Variants in TBC1D22A observed in about 807,000 individuals in gnomAD.
TBC1D22A encodes TBC1 domain family member 22A.
Under a neutral mutation model 60.2 loss-of-function variants are expected in TBC1D22A, and 38 were observed. That is an observed-to-expected ratio of 0.63 (90% CI 0.49 to 0.83). The LOEUF (loss-of-function observed/expected upper bound fraction) is 0.83. Ranked by LOEUF, TBC1D22A falls within the 40% of genes least tolerant of loss-of-function variation. The probability of loss-of-function intolerance (pLI) is 0.00; values close to 1 mark genes in which losing one functional copy is unlikely to be tolerated. For missense variants in TBC1D22A, 628 were observed against 701.0 expected (o/e 0.90, Z 1.18); for synonymous variants, 302 against 281.7 (o/e 1.07, Z -0.72).
intron 4 of TBC1D22A, among the ~76,000 whole-genome samples, chr22:46,830,982 C>T (rs2086284669): frequency 6.6e-6 from 1 of 151,762 alleles, no homozygotes; most frequent in Non-Finnish European, 1.5e-5. Context: ...GTGAGGGAGC[C>T]TCAGGGTCCC....
intron 1 of TBC1D22A, among the ~76,000 whole-genome samples, chr22:46,785,460 C>A (rs908629773): frequency 6.6e-6 from 1 of 152,220 alleles, no homozygotes; most frequent in African/African-American, 2.4e-5. Flanking sequence ...AATTCACCCA[C>A]AATAGCCTTC....
chr22:46,941,697 T>TTATATATACGGAATATATATACGGAATA (rs1329400943), intron 8 of TBC1D22A, among the ~76,000 whole-genome samples: 1 of 65,094 alleles, frequency 1.5e-5, no homozygotes, highest in African/African-American at 8.6e-5. Flanking sequence ...TATACGCGGA[T>TTATATATACGGAATATATATACGGAATA]TATATATGCG....
intron 11 of TBC1D22A, among the ~76,000 whole-genome samples, chr22:47,110,406 G>C (rs903298861): frequency 6.6e-6 from 1 of 152,156 alleles, no homozygotes; most frequent in South Asian, 2.1e-4. Flanking sequence ...TTGAAACCAG[G>C]AGGTGGAGGT....
At chr22:47,058,416 G>A (rs1037882003) in intron 11 of TBC1D22A, among the ~76,000 whole-genome samples, 1 of 152,098 alleles carries the variant, frequency 6.6e-6, no homozygotes, top group Non-Finnish European at 1.5e-5. Context: ...CTGCGAGAAC[G>A]AGTTCAGCCC....
At chr22:47,029,946 G>T (rs759640942) in intron 10 of TBC1D22A, among the ~76,000 whole-genome samples, 2 of 152,248 alleles carry the variant, frequency 1.3e-5, no homozygotes, top group Non-Finnish European at 2.9e-5. Context: ...CATTGGCAGT[G>T]AGCGGTTCTT....
intron 8 of TBC1D22A, among the ~76,000 whole-genome samples, chr22:46,941,506 T>C (rs1180521659): frequency 6.9e-6 from 1 of 145,028 alleles, no homozygotes; most frequent in Non-Finnish European, 1.5e-5. Context: ...ACGGAATATA[T>C]ATACGGAATA....
intron 10 of TBC1D22A, among the ~76,000 whole-genome samples, chr22:47,008,414 G>A (rs2061653804): frequency 2.0e-5 from 3 of 152,144 alleles, no homozygotes; most frequent in Admixed American, 2.0e-4. Flanking sequence ...ACTCTCCCCA[G>A]GTGTAGAGTT....
At chr22:47,044,970 G>A (rs1028702793) in intron 11 of TBC1D22A, among the ~76,000 whole-genome samples, 1 of 152,174 alleles carries the variant, frequency 6.6e-6, no homozygotes, top group African/African-American at 2.4e-5. Context: ...GCGTGTGAAG[G>A]CCCTGAGGTC....
intron 11 of TBC1D22A, among the ~76,000 whole-genome samples, chr22:47,096,085 A>G (rs1230377139): frequency 6.6e-6 from 1 of 152,224 alleles, no homozygotes; most frequent in Non-Finnish European, 1.5e-5. Context: ...TAGTCTAATG[A>G]ATGCCTTTGA....
intron 8 of TBC1D22A, among the ~76,000 whole-genome samples, chr22:46,934,321 C>T (rs2071521826): frequency 6.6e-6 from 1 of 152,216 alleles, no homozygotes; most frequent in African/African-American, 2.4e-5. Flanking sequence ...GCTTTGGAGT[C>T]CTGGAAACCT....
chr22:46,972,680 G>A (rs928560453), intron 8 of TBC1D22A, among the ~76,000 whole-genome samples: 6 of 152,178 alleles, frequency 3.9e-5, no homozygotes, highest in Non-Finnish European at 7.3e-5. Context: ...GTTTCTTTCC[G>A]TGGTGATGCA....
chr22:46,787,784 G>A (rs894638266), intron 1 of TBC1D22A, among the ~76,000 whole-genome samples: 1 of 152,110 alleles, frequency 6.6e-6, no homozygotes, highest in Non-Finnish European at 1.5e-5. Context: ...GAACCAGAAT[G>A]GGGAGGGTTT....
chr22:46,968,305 G>C lies in TBC1D22A; in HGVS notation c.1016-5985G>C, dbSNP rs181161594. Among the ~76,000 whole-genome samples, 640 of 152,332 alleles carry C rather than the reference G, an allele frequency of 4.2e-3. 11 individuals are homozygous for C. The highest frequency in any genetic ancestry group is 0.015 in the African/African-American group (611 of 41,574). On this transcript the variant is annotated intron_variant, in intron 8 of 12. Coordinates refer to ENST00000337137, the MANE Select transcript of TBC1D22A (RefSeq NM_014346.5). ...AGGCAGAGCCCTGGTTCATGGCCAGGCTCTGCCACTTCCTAGCGCAGGACC... is the reference window on the plus strand; with the variant it reads ...AGGCAGAGCCCTGGTTCATGGCCAGCCTCTGCCACTTCCTAGCGCAGGACC...
chr22:46,933,735 G>A (rs2071488223), intron 8 of TBC1D22A, among the ~76,000 whole-genome samples: 1 of 152,232 alleles, frequency 6.6e-6, no homozygotes, highest in African/African-American at 2.4e-5. Context: ...CTGCAGCCAC[G>A]TGGCCCCTGA....
intron 8 of TBC1D22A, among the ~76,000 whole-genome samples, chr22:46,953,349 A>G (rs1302919878): frequency 6.6e-6 from 1 of 152,184 alleles, no homozygotes; most frequent in East Asian, 1.9e-4. Context: ...CATTTCTCCA[A>G]GGAGCCCTAG....
At chr22:46,921,924 G>T (rs184093365) in intron 8 of TBC1D22A, among the ~76,000 whole-genome samples, 1 of 152,068 alleles carries the variant, frequency 6.6e-6, no homozygotes, top group Non-Finnish European at 1.5e-5. Flanking sequence ...TTTTGTTTTT[G>T]TTGCAATTGC....
chr22:46,898,595 C>T (rs1169900359), intron 7 of TBC1D22A, among the ~76,000 whole-genome samples: 1 of 151,990 alleles, frequency 6.6e-6, no homozygotes, highest in Admixed American at 6.6e-5. Flanking sequence ...AGGGAGTCTG[C>T]ATGTTACATA....
chr22:46,826,761 C>T (rs113506733), intron 4 of TBC1D22A, among the ~76,000 whole-genome samples: 399 of 152,224 alleles, frequency 2.6e-3, no homozygotes, highest in African/African-American at 8.6e-3. Context: ...ACATGAGTTT[C>T]AGAGGGGTGA....
At chr22:47,117,850 C>G (rs1279364959) in intron 12 of TBC1D22A, among the ~76,000 whole-genome samples, 1 of 152,216 alleles carries the variant, frequency 6.6e-6, no homozygotes, top group Non-Finnish European at 1.5e-5. Flanking sequence ...GGGCTGAGCA[C>G]GATGGCTCTT....
Sources: gnomAD v4.1 joint callset for allele counts (sites outside exome capture counted in the v4.1 genomes callset) on GRCh38, gnomAD v4.1.1 for gene constraint, MANE v1.5 for transcripts, NCBI Gene and HGNC (gene_info 2026-07-23, HGNC 2026-07-21) for gene names.